Variants in CDC37 observed in about 807,000 individuals in gnomAD.
CDC37 encodes the protein cell division cycle 37, HSP90 cochaperone, also known as hsp90 co-chaperone Cdc37.
Under a neutral mutation model 46.9 loss-of-function variants are expected in CDC37, and 9 were observed. The observed-to-expected ratio is 0.19, with a 90% CI of 0.12 to 0.33. CDC37 has a LOEUF of 0.33. CDC37 is among the 10% of genes least tolerant of loss of function. CDC37 has a pLI of 1.00. For synonymous variants in CDC37, 193 were observed against 191.0 expected, an observed-to-expected ratio of 1.01 and a Z score of -0.09; for missense variants, 388 against 514.6, an observed-to-expected ratio of 0.75 and a Z score of 2.38.
intron 7 of CDC37, 144 bp downstream of exon 7, chr19:10,392,942 G>A (rs1011714810): frequency 2.0e-5 from 14 of 690,158 alleles, no homozygotes; most frequent in Admixed American, 6.8e-5. Context: ...ATATGTGGGT[G>A]TGTGCCAAGG....
At chr19:10,402,864 C>CGACTCCGGATCTGAATGGG (rs1228323213) in intron 1 of CDC37, among the ~76,000 whole-genome samples, 7 of 151,812 alleles carry the variant, frequency 4.6e-5, no homozygotes, top group African/African-American at 1.7e-4. Flanking sequence ...AAAGGAGTGG[C>CGACTCCGGATCTGAATGGG]GACTCCGGAT....
Position 10,391,511 on chromosome 19 carries a change from TA to T in CDC37, c.*39del. ...TATCTGTTTTCTGAAAAGGGGCACATAGGGGCCTGGAAGCAGGTGGCGGTGG... is the reference window on the plus strand; with the variant it reads ...TATCTGTTTTCTGAAAAGGGGCACATGGGGCCTGGAAGCAGGTGGCGGTGG... On this transcript the variant is annotated 3_prime_UTR_variant, in exon 8 of 8. Coordinates refer to ENST00000222005, the MANE Select transcript of CDC37 (RefSeq NM_007065.4). The T allele has an allele frequency of 6.2e-7, 1 of 1,611,922 alleles. No individual in the cohort carries two copies. Among genetic ancestry groups the T allele is most frequent in the Middle Eastern group, 1.7e-4 (1 of 6,058 alleles).
chr19:10,391,663 C>A lies in CDC37; in HGVS notation c.1025G>T (p.Trp342Leu). The change falls in exon 8 of 8, where the codon TGG becomes TTG. Residue 342 changes from tryptophan to leucine, a missense_variant. By Grantham distance (61) the Trp-to-Leu change is moderately conservative. This residue lies in a region of CDC37 where 374 missense variants were observed against 467.4 expected (regional missense o/e 0.80). Coordinates refer to ENST00000222005, the MANE Select transcript of CDC37 (RefSeq NM_007065.4). ...HMQRCIDSGL[W>L]VPNSKASEAK... is the part of the protein sequence containing the mutation. ...CTCGCTGGCCTTAGAGTTGGGGACC[C>A]AGAGGCCAGAGTCAATGCAGCGCTG... 6.2e-7 allele frequency: 1 copy of A among 1,614,090 alleles called. No homozygotes were observed. Among genetic ancestry groups the A allele is most frequent in the Non-Finnish European group, 8.5e-7 (1 of 1,180,000 alleles).
intron 1 of CDC37, among the ~76,000 whole-genome samples, chr19:10,399,541 C>A (rs2042507863): frequency 6.7e-6 from 1 of 149,698 alleles, no homozygotes; most frequent in South Asian, 2.1e-4. Flanking sequence ...GTGACCCATG[C>A]CTATAATCCT....
intron 1 of CDC37, 33 bp downstream of exon 1, chr19:10,403,345 G>A: frequency 3.9e-6 from 6 of 1,534,432 alleles, no homozygotes; most frequent in Non-Finnish European, 5.4e-6. Context: ...CGGGGTCCGG[G>A]AGTGGGGAAA....
intron 7 of CDC37, among the ~76,000 whole-genome samples, chr19:10,392,016 G>A (rs1046456250): frequency 2.6e-5 from 4 of 152,182 alleles, no homozygotes; most frequent in African/African-American, 9.7e-5. Context: ...TGGCCAGGCT[G>A]GTCTTGAACT....
At position 10,391,735 on chromosome 19, in the gene CDC37, G is replaced by A. The variant is rs758415334; in HGVS notation, c.982-29C>T. ...TGAGGAGAAGGCAGGCAGATGAGGT[G>A]GGGCCGCCAGCCGGTGGTCCCCGTT... On this transcript the variant is annotated intron_variant, in intron 7 of 7. Transcript: ENST00000222005. The A allele has an allele frequency of 4.2e-5, 68 of 1,604,872 alleles. No homozygotes were observed. In the South Asian group the frequency reaches 5.2e-4, roughly 12 times the overall value.
At position 10,393,601 on chromosome 19, in the gene CDC37, C is replaced by T. The variant is rs1217978555; in HGVS notation, c.727-160G>A. Reference sequence around the variant, plus strand: ...CTCCCCAAGGCCTGGGCTCCCCCGCCGGGGACCTCATCTGGCATTTGCCAA... The same window carrying T: ...CTCCCCAAGGCCTGGGCTCCCCCGCTGGGGACCTCATCTGGCATTTGCCAA... On this transcript the variant is annotated intron_variant, in intron 5 of 7. Coordinates refer to ENST00000222005, the MANE Select transcript of CDC37 (RefSeq NM_007065.4). The surrounding 1 kb of genome is among the most constrained non-coding windows in gnomAD (Gnocchi z 4.9). 1.3e-5 allele frequency: 9 copies of T among 696,584 alleles called. No homozygotes were observed. The highest frequency in any genetic ancestry group is 2.1e-5 in the Non-Finnish European group (9 of 439,022). The allele number at this position is 696,584 out of a possible 1,614,324, so 43.2% of individuals were successfully genotyped here. A position where few individuals can be genotyped will look rare whatever the true frequency, so the allele number is the denominator to read the frequency against.
chr19:10,392,799 A>C, intron 7 of CDC37: 1 of 505,278 alleles, frequency 2.0e-6, no homozygotes. Context: ...GTGAGCTGAT[A>C]TTGAGAGAAA....
Position 10,391,161 on chromosome 19 carries a change from C to A in CDC37, c.*390G>T, listed in dbSNP as rs553124196. The stretch of plus-strand genomic sequence containing the variant: ...CATCTGAAATCTTTTATTGGAAGAT[C>A]ATTGCTGTTTGCCAAATAGAAGACA... On this transcript the variant is annotated 3_prime_UTR_variant, in exon 8 of 8. Coordinates refer to ENST00000222005, the MANE Select transcript of CDC37 (RefSeq NM_007065.4). The A allele has an allele frequency of 1.8e-4, 48 of 271,854 alleles. No individual in the cohort carries two copies. The Admixed American group carries it at 2.5e-3, about 14-fold the overall frequency. The allele number at this position is 271,854 out of a possible 1,614,324, so 16.8% of individuals were successfully genotyped here. A position where few individuals can be genotyped will look rare whatever the true frequency, so the allele number is the denominator to read the frequency against.
At chr19:10,395,772 G>A (rs1444292755) in intron 2 of CDC37, 156 bp downstream of exon 2, 3 of 273,088 alleles carry the variant, frequency 1.1e-5, no homozygotes, top group African/African-American at 4.2e-5. Flanking sequence ...CCCCTCCCAC[G>A]TGGCCCCCGT....
Position 10,391,216 on chromosome 19 carries a change from C to G in CDC37, c.*335G>C, listed in dbSNP as rs752429885. 1.9e-5 allele frequency: 7 copies of G among 365,000 alleles called. No homozygotes were observed. The highest frequency in any genetic ancestry group is 3.1e-5 in the Non-Finnish European group (6 of 195,504). 22.6% of individuals were successfully genotyped at this position (365,000 alleles called of 1,614,324 possible). On this transcript the variant is annotated 3_prime_UTR_variant, in exon 8 of 8. Coordinates refer to ENST00000222005, the MANE Select transcript of CDC37 (RefSeq NM_007065.4). Reference sequence around the variant, plus strand: ...CAGCAGACGAACAGTGAAAACAGAGCCCAGTGACGAGAGCCGGCCCCTTGG... The same window carrying G: ...CAGCAGACGAACAGTGAAAACAGAGGCCAGTGACGAGAGCCGGCCCCTTGG...
intron 1 of CDC37, among the ~76,000 whole-genome samples, chr19:10,399,818 G>A (rs2042509123): frequency 6.6e-6 from 1 of 151,240 alleles, no homozygotes; most frequent in East Asian, 1.9e-4. Context: ...TGTAGTCCCA[G>A]CTACTCGGGA....
rs768846872 is a variant in CDC37 at position 10,393,269 on chromosome 19, G to A, written c.899C>T (p.Ser300Phe). The change falls in exon 6 of 8, where the codon TCC (serine) becomes TTC (phenylalanine). Residue 300 changes from serine to phenylalanine, a missense_variant. By Grantham distance (155) the Ser-to-Phe change is radical. Around this residue, in one of 2 missense-constraint regions of CDC37, gnomAD observed 374 missense variants for 467.4 expected, o/e 0.80. Transcript: ENST00000222005. The surrounding 1 kb of genome is among the most constrained non-coding windows in gnomAD (Gnocchi z 4.9). Reference sequence around the variant, plus strand: ...GCCGGGGAGCCCCACCTCAGGGAGGGACTCGTAGACCTCGACGGGGTCCAG... The same window carrying A: ...GCCGGGGAGCCCCACCTCAGGGAGGAACTCGTAGACCTCGACGGGGTCCAG... ...GGLDPVEVYE[S>F]LPEELQKCFD... 2.3e-5 allele frequency: 37 copies of A among 1,612,910 alleles called. No homozygotes were observed. Among genetic ancestry groups the A allele is most frequent in the Middle Eastern group, 1.6e-4 (1 of 6,080 alleles).
At position 10,395,915 on chromosome 19, in the gene CDC37, C is replaced by A; in HGVS notation, c.378+13G>T. The A allele has an allele frequency of 6.3e-7, 1 of 1,595,792 alleles. No homozygotes were observed. The highest frequency in any genetic ancestry group is 1.1e-5 in the South Asian group (1 of 89,544). On this transcript the variant is annotated intron_variant, in intron 2 of 7. Transcript: ENST00000222005. ...TGCGCATGCGCACTGCCCGCCCCGCCCGCCCCGCACACCTTGCTGAAGCCG... is the reference window on the plus strand; with the variant it reads ...TGCGCATGCGCACTGCCCGCCCCGCACGCCCCGCACACCTTGCTGAAGCCG...
In CDC37 at chr19:10,395,313, T is replaced by C. The variant is rs55826704; in HGVS notation, c.518A>G (p.Lys173Arg). Residue 173 changes from lysine (K) to arginine (R), a missense_variant, in exon 4 of 8, where the codon AAG becomes AGG. Lys to Arg is a conservative substitution (Grantham distance 26). Around this residue, in one of 2 missense-constraint regions of CDC37, gnomAD observed 374 missense variants for 467.4 expected, o/e 0.80. Coordinates refer to ENST00000222005, the MANE Select transcript of CDC37 (RefSeq NM_007065.4). ...GMLRRWDDSQ[K>R]YLSDNVHLVC... is the part of the protein sequence containing the mutation. ...CAGGTGGACGTTGTCTGACAGGTAC[T>C]TTTGGCTGTCATCCCAGCGGCGAAG... The C allele has an allele frequency of 6.2e-7, 1 of 1,614,020 alleles. No homozygotes were observed. Among genetic ancestry groups the C allele is most frequent in the Non-Finnish European group, 8.5e-7 (1 of 1,179,998 alleles).
chr19:10,393,225 C>T lies in CDC37; in HGVS notation c.909+34G>A. ...GGCCCTGGGGGGTCCCGCTCAGGGT[C>T]TTCCTGCTGCCCGCCTGGGCCGGGG... On this transcript the variant is annotated intron_variant, in intron 6 of 7. Transcript: ENST00000222005. This position sits in a 1 kb window ranked among gnomAD's most constrained non-coding sequence, Gnocchi z 4.9. The T allele has an allele frequency of 6.2e-7, 1 of 1,612,942 alleles. No individual in the cohort carries two copies. The highest frequency in any genetic ancestry group is 8.5e-7 in the Non-Finnish European group (1 of 1,179,374).
chr19:10,403,292 A>G, intron 1 of CDC37, 86 bp downstream of exon 1: 1 of 1,002,742 alleles, frequency 1.0e-6, no homozygotes, highest in Non-Finnish European at 1.5e-6. Context: ...CTAGGTGTGA[A>G]CAGCGGGGTC....
chr19:10,392,961 C>T lies in CDC37; in HGVS notation c.981+125G>A, dbSNP rs1206674314. 3 of 790,504 alleles carry T rather than the reference C, an allele frequency of 3.8e-6. No individual in the cohort carries two copies. In the Admixed American group the frequency reaches 6.0e-5, roughly 16 times the overall value. 49.0% of individuals were successfully genotyped at this position (790,504 alleles called of 1,614,324 possible). A position where few individuals can be genotyped will look rare whatever the true frequency, so the allele number is the denominator to read the frequency against. On this transcript the variant is annotated intron_variant, in intron 7 of 7. Coordinates refer to ENST00000222005, the MANE Select transcript of CDC37 (RefSeq NM_007065.4). ...GTGGGTGTGTGCCAAGGTGACACGACCCCCCTTACTCCTTGGAGAAGCCTT... is the reference window on the plus strand; with the variant it reads ...GTGGGTGTGTGCCAAGGTGACACGATCCCCCTTACTCCTTGGAGAAGCCTT...
Sources: allele counts gnomAD v4.1 joint callset (sites outside exome capture counted in the v4.1 genomes callset), GRCh38; gene constraint gnomAD v4.1.1; regional missense constraint gnomAD v4.1.1; non-coding constraint Gnocchi (gnomAD v3.1); transcripts MANE v1.5; gene names NCBI Gene and HGNC (gene_info 2026-07-23, HGNC 2026-07-21).